Variants in ALK observed in about 807,000 individuals in gnomAD.
ALK encodes the protein ALK tyrosine kinase receptor.
Under a neutral mutation model 163.1 loss-of-function variants are expected in ALK, and 74 were observed. The ratio of observed to expected loss-of-function variants is 0.45; its 90% CI spans 0.38 to 0.55. The LOEUF (loss-of-function observed/expected upper bound fraction) is 0.55, where lower values mean the gene tolerates loss of function less well. Ranked by LOEUF, ALK falls within the 20% of genes least tolerant of loss-of-function variation. The pLI is 0.00. For synonymous variants in ALK, 960 were observed against 843.2 expected (o/e 1.14, Z -2.40); for missense variants, 2,063 against 2,105.3 (o/e 0.98, Z 0.39).
intron 5 of ALK, among the ~76,000 whole-genome samples, chr2:29,366,400 G>C (rs1668508966): frequency 6.6e-6 from 1 of 152,198 alleles, no homozygotes; most frequent in South Asian, 2.1e-4. Context: ...AGTCAGGGGA[G>C]TTGAGGAGGG....
intron 3 of ALK, among the ~76,000 whole-genome samples, chr2:29,537,575 T>C (rs1407874033): frequency 6.6e-6 from 1 of 152,236 alleles, no homozygotes; most frequent in East Asian, 1.9e-4. Flanking sequence ...AAAGAAACTC[T>C]ACTAGGTCCA....
intron 4 of ALK, among the ~76,000 whole-genome samples, chr2:29,415,316 G>A (rs1191480133): frequency 1.3e-5 from 2 of 151,988 alleles, no homozygotes; most frequent in African/African-American, 4.8e-5. Context: ...GGAAGACACT[G>A]ATGCTAGAGT....
At chr2:29,736,378 A>G (rs1398797662) in intron 1 of ALK, among the ~76,000 whole-genome samples, 1 of 151,890 alleles carries the variant, frequency 6.6e-6, no homozygotes, top group Non-Finnish European at 1.5e-5. Flanking sequence ...TAAAATAACC[A>G]TGTGTCATTT....
At chr2:29,304,170 T>TGGTA (rs900200754) in intron 8 of ALK, among the ~76,000 whole-genome samples, 3 of 152,230 alleles carry the variant, frequency 2.0e-5, no homozygotes, top group African/African-American at 7.2e-5. Flanking sequence ...GTCCTCAGAC[T>TGGTA]GGTAGCATCA....
chr2:29,269,398 C>A (rs539430198), intron 11 of ALK, among the ~76,000 whole-genome samples: 1 of 152,144 alleles, frequency 6.6e-6, no homozygotes, highest in African/African-American at 2.4e-5. Context: ...GGCTCTCCAG[C>A]GTGAAAGCCT....
chr2:29,597,236 G>A (rs1675241278), intron 3 of ALK, among the ~76,000 whole-genome samples: 2 of 152,226 alleles, frequency 1.3e-5, no homozygotes, highest in Admixed American at 6.5e-5. Context: ...TCCCCTGACG[G>A]GCAGTGACAG....
At chr2:29,390,098 T>A (rs77590079) in intron 4 of ALK, among the ~76,000 whole-genome samples, 328 of 152,344 alleles carry the variant, frequency 2.2e-3, no homozygotes, top group African/African-American at 7.3e-3. Flanking sequence ...CAGGTTGGCA[T>A]GCCTCTATAA....
At chr2:29,363,667 C>T (rs1313051223) in intron 5 of ALK, among the ~76,000 whole-genome samples, 1 of 152,112 alleles carries the variant, frequency 6.6e-6, no homozygotes, top group South Asian at 2.1e-4. Context: ...GTACACAAGC[C>T]CAGGGGCCTC....
At chr2:29,670,779 G>T (rs190625917) in intron 3 of ALK, among the ~76,000 whole-genome samples, 3 of 151,988 alleles carry the variant, frequency 2.0e-5, no homozygotes, top group Admixed American at 2.0e-4. Context: ...CGATTTTTCT[G>T]TTGAGAGTCT....
chr2:29,199,040 A>G (rs750101210), intron 26 of ALK, among the ~76,000 whole-genome samples: 30 of 151,154 alleles, frequency 2.0e-4, no homozygotes, highest in Non-Finnish European at 3.7e-4. Flanking sequence ...TGCAACCTCC[A>G]CCTTCCAGGT....
chr2:29,542,836 C>T (rs1008636235), intron 3 of ALK, among the ~76,000 whole-genome samples: 3 of 152,166 alleles, frequency 2.0e-5, no homozygotes, highest in Non-Finnish European at 4.4e-5. Context: ...TTGCTGGCCT[C>T]TGTCAATCAG....
intron 1 of ALK, among the ~76,000 whole-genome samples, chr2:29,859,605 A>G (rs1369723182): frequency 6.6e-6 from 1 of 152,152 alleles, no homozygotes; most frequent in Non-Finnish European, 1.5e-5. Context: ...AATGGCAGAG[A>G]AAGGGGGTCG....
intron 8 of ALK, among the ~76,000 whole-genome samples, chr2:29,302,983 A>T (rs1666411704): frequency 6.6e-6 from 1 of 152,244 alleles, no homozygotes; most frequent in Admixed American, 6.5e-5. Context: ...TATGACTAAG[A>T]CCATAAAAGC....
At chr2:29,225,360 G>C (rs1663932476) in intron 19 of ALK, 101 bp downstream of exon 19, 1 of 1,093,468 alleles carries the variant, frequency 9.1e-7, no homozygotes, top group South Asian at 1.3e-5. Context: ...CCAGGGACTA[G>C]CATAACGAAG....
At position 29,239,723 on chromosome 2, in the gene ALK, A is replaced by G; in HGVS notation, c.2312T>C (p.Leu771Pro). ...GIFNLEKDDM[L>P]YILVGQQGED... ...TCCCTGCTGCCCAACCAGGATGTAC[A>G]GCATGTCATCCTTCTCCAGGTTGAA... The change falls in exon 13 of 29, where the codon CTG becomes CCG. Residue 771 changes from leucine (L) to proline (P), a missense_variant. By Grantham distance (98) the Leu-to-Pro change is moderately conservative (BLOSUM62 -3). This residue lies in a region of ALK where 575 missense variants were observed against 626.6 expected (regional missense o/e 0.92). Coordinates refer to ENST00000389048, the MANE Select transcript of ALK (RefSeq NM_004304.5). 1.9e-6 allele frequency: 3 copies of G among 1,614,092 alleles called. No individual in the cohort carries two copies. Among genetic ancestry groups the G allele is most frequent in the Non-Finnish European group, 2.5e-6 (3 of 1,180,022 alleles).
At chr2:29,686,891 G>T (rs115265366) in intron 3 of ALK, among the ~76,000 whole-genome samples, 1,805 of 152,244 alleles carry the variant, frequency 0.012, 42 homozygotes, top group African/African-American at 0.042. Flanking sequence ...CACATTAGAT[G>T]GAAAGAATCA....
At chr2:29,416,646 C>G (rs946512769) in intron 4 of ALK, among the ~76,000 whole-genome samples, 1 of 152,072 alleles carries the variant, frequency 6.6e-6, no homozygotes, top group African/African-American at 2.4e-5. Context: ...AGAAAGAATA[C>G]CCAGGATATT....
intron 3 of ALK, among the ~76,000 whole-genome samples, chr2:29,610,989 C>A (rs184164063): frequency 1.3e-5 from 2 of 152,264 alleles, no homozygotes; most frequent in Admixed American, 1.3e-4. Flanking sequence ...CCCTTTGTTG[C>A]CTACTTCTCA....
chr2:29,832,072 G>A (rs930391015), intron 1 of ALK, among the ~76,000 whole-genome samples: 3 of 152,194 alleles, frequency 2.0e-5, no homozygotes, highest in African/African-American at 7.2e-5. Context: ...ATGACACTGG[G>A]AGATGAGGTT....
Sources: allele counts gnomAD v4.1 joint callset (sites outside exome capture counted in the v4.1 genomes callset), GRCh38; gene constraint gnomAD v4.1.1; regional missense constraint gnomAD v4.1.1; transcripts MANE v1.5; gene names NCBI Gene and HGNC (gene_info 2026-07-23, HGNC 2026-07-21).